LRP1B: variants seen among roughly 807,000 people sequenced by gnomAD.
LRP1B encodes the protein LDL receptor related protein 1B, also known as low-density lipoprotein receptor-related protein 1B.
LRP1B carries 217 observed loss-of-function variants against 556.6 expected under a neutral mutation model. That is an observed-to-expected ratio of 0.39 (90% CI 0.35 to 0.44). The LOEUF (loss-of-function observed/expected upper bound fraction) is 0.44. Among genes scored for constraint, LRP1B ranks in the 20% least tolerant of loss-of-function variants. The pLI, the probability that LRP1B is intolerant of heterozygous loss-of-function variation, is 1.00. For missense variants in LRP1B, 5,053 were observed against 5,620.8 expected (o/e 0.90, Z 3.23); for synonymous variants, 2,047 against 1,865.8 (o/e 1.10, Z -2.50).
At chr2:142,059,154 AG>A (rs1336660799) in intron 1 of LRP1B, among the ~76,000 whole-genome samples, 1 of 152,140 alleles carries the variant, frequency 6.6e-6, no homozygotes, top group East Asian at 1.9e-4. Context: ...GGGTGGGAAT[AG>A]GAAGTGATTG....
chr2:141,637,441 G>T (rs1305311080), intron 2 of LRP1B, among the ~76,000 whole-genome samples: 1 of 152,166 alleles, frequency 6.6e-6, no homozygotes, highest in Non-Finnish European at 1.5e-5. Context: ...AAGACATCAG[G>T]CCAGCAAAGG....
intron 79 of LRP1B, among the ~76,000 whole-genome samples, chr2:140,327,179 C>T (rs528293638): frequency 2.0e-4 from 30 of 152,160 alleles, no homozygotes; most frequent in East Asian, 1.2e-3. Context: ...TTAATGGCAA[C>T]GCAACTGAAT....
intron 3 of LRP1B, among the ~76,000 whole-genome samples, chr2:141,458,992 T>C (rs1388169447): frequency 6.6e-6 from 1 of 152,204 alleles, no homozygotes; most frequent in Non-Finnish European, 1.5e-5. Context: ...GCACAACTGC[T>C]GTCCAGGTTT....
chr2:141,871,377 A>G (rs956959010), intron 1 of LRP1B, among the ~76,000 whole-genome samples: 16 of 151,996 alleles, frequency 1.1e-4, no homozygotes, highest in African/African-American at 3.6e-4. Context: ...AATTTCTTGC[A>G]TTGCATTATT....
At chr2:140,737,078 C>T (rs1017976489) in intron 35 of LRP1B, among the ~76,000 whole-genome samples, 1 of 152,126 alleles carries the variant, frequency 6.6e-6, no homozygotes, top group Non-Finnish European at 1.5e-5. Flanking sequence ...CAAGGGAAGA[C>T]AAGAAGCCAG....
intron 2 of LRP1B, among the ~76,000 whole-genome samples, chr2:141,741,779 A>C (rs1213201380): frequency 6.6e-6 from 1 of 152,116 alleles, no homozygotes; most frequent in Non-Finnish European, 1.5e-5. Context: ...TTTGCTCTGC[A>C]GAAGCTTTTT....
intron 79 of LRP1B, among the ~76,000 whole-genome samples, chr2:140,332,107 CT>C (rs1226572542): frequency 6.6e-6 from 1 of 152,040 alleles, no homozygotes; most frequent in South Asian, 2.1e-4. Flanking sequence ...GTGTATCTGA[CT>C]CCAATGAAGA....
At chr2:141,403,992 ATTC>A (rs542750292) in intron 3 of LRP1B, among the ~76,000 whole-genome samples, 103 of 152,290 alleles carry the variant, frequency 6.8e-4, no homozygotes, top group Admixed American at 2.3e-3. Context: ...TCTCTTTGGC[ATTC>A]TTCTTTCTGG....
chr2:141,529,396 G>A (rs1039235781), intron 2 of LRP1B, among the ~76,000 whole-genome samples: 1 of 152,122 alleles, frequency 6.6e-6, no homozygotes, highest in African/African-American at 2.4e-5. Flanking sequence ...AAAGGAAAAA[G>A]ATTAAGAAGA....
intron 83 of LRP1B, among the ~76,000 whole-genome samples, chr2:140,314,503 TCAGGA>T (rs1684435556): frequency 6.6e-6 from 1 of 152,116 alleles, no homozygotes; most frequent in Non-Finnish European, 1.5e-5. Flanking sequence ...TAGATGGGAA[TCAGGA>T]TGCTATCAGA....
Position 140,356,350 on chromosome 2 carries a change from T to A in LRP1B, c.11522A>T (p.Gln3841Leu), listed in dbSNP as rs1266496875. The change falls in exon 75 of 91, where the codon CAA becomes CTA. Residue 3841 changes from glutamine (Q) to leucine (L), a missense_variant. Transcript: ENST00000389484. ...PGFQRNMKNR[Q>L]CEDLNECLVF... is the part of the protein sequence containing the mutation. ...GAAGAAAAGTACTCTACCTTCACAT[T>A]GTCTGTTTTTCATGTTTCTCTGAAA... 6.2e-7 allele frequency: 1 copy of A among 1,610,792 alleles called. No homozygotes were observed. The highest frequency in any genetic ancestry group is 1.7e-5 in the Admixed American group (1 of 59,830).
At position 141,733,293 on chromosome 2, in the gene LRP1B, G is replaced by C. The variant is rs561078690; in HGVS notation, c.205+76986C>G. ...ATTAAATCTTTTGTTTTGAATTAAT[G>C]TTTGAATTACGATTGGTCTTCCTGT... On this transcript the variant is annotated intron_variant, in intron 2 of 90. Transcript: ENST00000389484. 8.5e-5 allele frequency among the ~76,000 whole-genome samples: 13 copies of C among 152,202 alleles called. No individual in the cohort carries two copies. The East Asian group carries it at 2.5e-3, about 29-fold the overall frequency.
chr2:142,123,423 CAA>C (rs1673419640), intron 1 of LRP1B, among the ~76,000 whole-genome samples: 1 of 151,912 alleles, frequency 6.6e-6, no homozygotes, highest in African/African-American at 2.4e-5. Context: ...AAGAATAAAA[CAA>C]GAGACGATAG....
At chr2:140,646,874 A>G (rs551492890) in intron 41 of LRP1B, among the ~76,000 whole-genome samples, 32 of 152,204 alleles carry the variant, frequency 2.1e-4, no homozygotes, top group African/African-American at 7.2e-4. Context: ...CAGGTATGAA[A>G]CATACCTATA....
chr2:141,656,904 GC>G (rs770085900), intron 2 of LRP1B, among the ~76,000 whole-genome samples: 2 of 152,006 alleles, frequency 1.3e-5, no homozygotes, highest in Non-Finnish European at 2.9e-5. Context: ...TAGAAGGTGG[GC>G]TTAGAAGCAA....
chr2:141,501,875 C>G (rs1294437937), intron 2 of LRP1B, among the ~76,000 whole-genome samples: 1 of 151,754 alleles, frequency 6.6e-6, no homozygotes, highest in Non-Finnish European at 1.5e-5. Flanking sequence ...CTGGCATTCT[C>G]TAACAGTATG....
In LRP1B at chr2:140,442,253, T is replaced by C. The variant is rs151010170; in HGVS notation, c.10414+251A>G. Among the ~76,000 whole-genome samples the C allele has an allele frequency of 3.1e-3, 467 of 152,306 alleles. 2 individuals are homozygous for C. Among genetic ancestry groups the C allele is most frequent in the Non-Finnish European group, 2.9e-3 (196 of 68,014 alleles). On this transcript the variant is annotated intron_variant, in intron 66 of 90. Transcript: ENST00000389484. ...CTAATATAAGAAGATAATGGTCTTA[T>C]TCTACCTCTTTGGTCTATGTTTTAT...
At chr2:140,782,664 T>A (rs1252041276) in intron 32 of LRP1B, among the ~76,000 whole-genome samples, 1 of 152,194 alleles carries the variant, frequency 6.6e-6, no homozygotes, top group African/African-American at 2.4e-5. Context: ...AATATTCATA[T>A]GTTAAATATG....
chr2:141,457,653 G>C (rs1402148608), intron 3 of LRP1B, among the ~76,000 whole-genome samples: 1 of 1,946 alleles, frequency 5.1e-4, no homozygotes, highest in Non-Finnish European at 3.6e-3. Context: ...ACATGTCTGT[G>C]GGGGCACCTA....
Sources: allele counts gnomAD v4.1 joint callset (sites outside exome capture counted in the v4.1 genomes callset), GRCh38; gene constraint gnomAD v4.1.1; transcripts MANE v1.5; gene names NCBI Gene and HGNC (gene_info 2026-07-23, HGNC 2026-07-21).